CMKLR1: variants seen among roughly 807,000 people sequenced by gnomAD.
CMKLR1 encodes the protein chemerin chemokine-like receptor 1.
CMKLR1 carries 6 observed loss-of-function variants against 8.2 expected under a neutral mutation model. The ratio of observed to expected loss-of-function variants is 0.73; its 90% CI spans 0.40 to 1.44. CMKLR1 has a LOEUF of 1.44. Among genes scored for constraint, CMKLR1 ranks in the 40% most tolerant of loss-of-function variants. CMKLR1 has a pLI of 0.02. For synonymous variants in CMKLR1, 178 were observed against 181.2 expected, an observed-to-expected ratio of 0.98 and a Z score of 0.14; for missense variants, 429 against 478.0, an observed-to-expected ratio of 0.90 and a Z score of 0.96.
intron 2 of CMKLR1, among the ~76,000 whole-genome samples, chr12:108,317,670 CTATTCACATA>C (rs768832099): frequency 6.6e-6 from 1 of 152,262 alleles, no homozygotes; most frequent in Non-Finnish European, 1.5e-5. Context: ...AACACACATA[CTATTCACATA>C]ATAACACTGT....
At chr12:108,310,550 G>A (rs181465410) in intron 2 of CMKLR1, among the ~76,000 whole-genome samples, 36 of 152,284 alleles carry the variant, frequency 2.4e-4, no homozygotes, top group Non-Finnish European at 4.0e-4. Flanking sequence ...TTTTTCTTAA[G>A]GATTTTTCCT....
intron 2 of CMKLR1, among the ~76,000 whole-genome samples, chr12:108,325,256 C>T (rs1018131587): frequency 1.3e-5 from 2 of 152,172 alleles, no homozygotes; most frequent in Admixed American, 6.5e-5. Flanking sequence ...GTCCTGGGGG[C>T]CTGCCTTGGA....
rs139234316 is a variant in CMKLR1, at chr12:108,309,623, C to G, written c.-73-15959G>C. Among the ~76,000 whole-genome samples, 305 of 152,210 alleles carry G rather than the reference C, an allele frequency of 2.0e-3. 6 individuals are homozygous for G. The East Asian group carries it at 0.054, about 27-fold the overall frequency. On this transcript the variant is annotated intron_variant, in intron 2 of 3. Coordinates refer to ENST00000550402, the MANE Select transcript of CMKLR1 (RefSeq NM_001142343.2). ...GGGAGTAAGATGGCCCAGTCACTAC[C>G]TTCATGCAGAGAAAGTGGTTGCAGG...
chr12:108,299,900 A>G (rs1363851531), intron 2 of CMKLR1, among the ~76,000 whole-genome samples: 4 of 152,312 alleles, frequency 2.6e-5, no homozygotes, highest in Admixed American at 1.3e-4. Context: ...ACAGTTTGTT[A>G]TGGCAGCGCT....
At chr12:108,337,503 G>A (rs1030274182) in intron 1 of CMKLR1, among the ~76,000 whole-genome samples, 3 of 152,126 alleles carry the variant, frequency 2.0e-5, no homozygotes, top group Non-Finnish European at 2.9e-5. Context: ...GGGGCCTCCC[G>A]GCTAGAAGGA....
At chr12:108,305,694 C>T (rs963703836) in intron 2 of CMKLR1, among the ~76,000 whole-genome samples, 2 of 152,192 alleles carry the variant, frequency 1.3e-5, no homozygotes, top group Non-Finnish European at 2.9e-5. Context: ...TGGCTGCCAG[C>T]CCCAGGACAG....
At chr12:108,307,106 A>T (rs1420480200) in intron 2 of CMKLR1, among the ~76,000 whole-genome samples, 2 of 152,120 alleles carry the variant, frequency 1.3e-5, no homozygotes, top group East Asian at 3.9e-4. Context: ...GTCCAGCACC[A>T]TATTTAGTTA....
intron 2 of CMKLR1, among the ~76,000 whole-genome samples, chr12:108,308,521 T>G (rs888447186): frequency 6.6e-6 from 1 of 152,192 alleles, no homozygotes; most frequent in Non-Finnish European, 1.5e-5. Context: ...GGAGACTTCC[T>G]GCCCTCGCCT....
intron 2 of CMKLR1, among the ~76,000 whole-genome samples, chr12:108,300,127 G>T (rs573955801): frequency 6.6e-6 from 1 of 152,186 alleles, no homozygotes; most frequent in African/African-American, 2.4e-5. Context: ...GTTCGGTTTC[G>T]TTTTGTTTCT....
chr12:108,306,391 CCTCAT>C (rs1376490434), intron 2 of CMKLR1, among the ~76,000 whole-genome samples: 1 of 93,166 alleles, frequency 1.1e-5, no homozygotes, highest in Non-Finnish European at 2.7e-5. Context: ...TCGTTAATCA[CCTCAT>C]TTGAGTGGGT....
At chr12:108,324,522 C>T (rs1891937677) in intron 2 of CMKLR1, among the ~76,000 whole-genome samples, 2 of 152,150 alleles carry the variant, frequency 1.3e-5, no homozygotes, top group South Asian at 4.1e-4. Context: ...AGACGGGAAG[C>T]CAGAGCACAG....
Position 108,325,183 on chromosome 12 carries a change from C to A in CMKLR1, c.-74+4812G>T, listed in dbSNP as rs151150850. Among the ~76,000 whole-genome samples the A allele has an allele frequency of 3.2e-3, 493 of 152,256 alleles. 1 individual carries two copies. The highest frequency in any genetic ancestry group is 0.011 in the African/African-American group (461 of 41,528). ...CCAGCATTTCCAGAGGGCTTCCAGACACCACACCCCTCGGGGAGCCAGAAG... is the reference window on the plus strand; with the variant it reads ...CCAGCATTTCCAGAGGGCTTCCAGAAACCACACCCCTCGGGGAGCCAGAAG... On this transcript the variant is annotated intron_variant, in intron 2 of 3. Transcript: ENST00000550402.
In CMKLR1 at chr12:108,292,075, CA is replaced by C. The variant is rs758704813; in HGVS notation, c.887del (p.Leu296ArgfsTer16). 6.2e-7 allele frequency: 1 copy of C among 1,614,176 alleles called. No homozygotes were observed. Among genetic ancestry groups the C allele is most frequent in the South Asian group, 1.1e-5 (1 of 91,076 alleles). ...HTAMPGSVFS[L>X]GLPLATALAI... ...CAAGGGCAGTGGCCAGGGGCAAACC[CA>C]GGCTGAAGACAGAGCCAGGCATGGC... On this transcript the variant is annotated frameshift_variant, in exon 4 of 4. Coordinates refer to ENST00000550402, the MANE Select transcript of CMKLR1 (RefSeq NM_001142343.2). LOFTEE classifies it high-confidence loss of function.
chr12:108,333,089 G>T (rs1209108805), intron 1 of CMKLR1, among the ~76,000 whole-genome samples: 1 of 152,152 alleles, frequency 6.6e-6, no homozygotes, highest in Non-Finnish European at 1.5e-5. Context: ...TTGACTTCCT[G>T]TTTCTCTGAC....
chr12:108,319,582 A>G (rs1891810763), intron 2 of CMKLR1, among the ~76,000 whole-genome samples: 2 of 152,336 alleles, frequency 1.3e-5, no homozygotes, highest in Middle Eastern at 3.4e-3. Context: ...CATACCTCAT[A>G]AATAATATAT....
rs934721424 is a variant in CMKLR1, at chr12:108,310,838, G to C, written c.-73-17174C>G. Among the ~76,000 whole-genome samples the C allele has an allele frequency of 4.6e-5, 7 of 152,158 alleles. 1 individual carries two copies. Among genetic ancestry groups the C allele is most frequent in the African/African-American group, 2.4e-5 (1 of 41,438 alleles). ...CATGGACCCAGGGCCTTTCAGCAAGGCGGGTAGGCAGAGACAGGAGGGAGG... is the reference window on the plus strand; with the variant it reads ...CATGGACCCAGGGCCTTTCAGCAAGCCGGGTAGGCAGAGACAGGAGGGAGG... On this transcript the variant is annotated intron_variant, in intron 2 of 3. Transcript: ENST00000550402.
chr12:108,325,890 T>C (rs7300606), intron 2 of CMKLR1, among the ~76,000 whole-genome samples: 118,887 of 151,926 alleles, frequency 0.78, 47,126 homozygotes, highest in East Asian at 1. Flanking sequence ...TTACCAGTTC[T>C]GCAGAAAGTG....
chr12:108,301,492 A>G (rs1420479823), intron 2 of CMKLR1, among the ~76,000 whole-genome samples: 4 of 152,100 alleles, frequency 2.6e-5, no homozygotes, highest in Non-Finnish European at 5.9e-5. Context: ...CAGGCCACCC[A>G]CACAAAAAAG....
At chr12:108,317,085 G>A (rs576451785) in intron 2 of CMKLR1, among the ~76,000 whole-genome samples, 45 of 152,222 alleles carry the variant, frequency 3.0e-4, no homozygotes, top group Admixed American at 4.6e-4. Context: ...ATACAGGCAT[G>A]AGCCACTGTA....
Sources: gnomAD v4.1 joint callset for allele counts (sites outside exome capture counted in the v4.1 genomes callset) on GRCh38, gnomAD v4.1.1 for gene constraint, MANE v1.5 for transcripts, NCBI Gene and HGNC (gene_info 2026-07-23, HGNC 2026-07-21) for gene names.